The following TAFA2 variants were observed in gnomAD, a reference collection of about 807,000 sequenced individuals.
The protein encoded by TAFA2 is TAFA chemokine like family member 2.
A neutral mutation model predicts 18.8 loss-of-function variants in TAFA2; 7 were observed. That is an observed-to-expected ratio of 0.37 (90% CI 0.21 to 0.70). The LOEUF (loss-of-function observed/expected upper bound fraction) is 0.70. Ranked by LOEUF, TAFA2 falls within the 30% of genes least tolerant of loss-of-function variation. The pLI is 0.53. For missense variants in TAFA2, 122 were observed against 158.1 expected (o/e 0.77, Z 1.23); for synonymous variants, 60 against 54.2 (o/e 1.11, Z -0.47).
At chr12:61,807,718 G>A (rs1374842484) in intron 2 of TAFA2, among the ~76,000 whole-genome samples, 7 of 151,416 alleles carry the variant, frequency 4.6e-5, no homozygotes, top group Admixed American at 3.3e-4. Flanking sequence ...CTCTTGCATC[G>A]GCGTGACCTG....
intron 1 of TAFA2, among the ~76,000 whole-genome samples, chr12:62,098,781 A>C (rs1424001966): frequency 4.6e-5 from 7 of 152,214 alleles, no homozygotes; most frequent in Non-Finnish European, 8.8e-5. Context: ...CAGAGACTTA[A>C]AGATATTAAA....
intron 1 of TAFA2, among the ~76,000 whole-genome samples, chr12:61,930,565 G>T (rs1308571731): frequency 6.6e-6 from 1 of 152,170 alleles, no homozygotes; most frequent in East Asian, 1.9e-4. Context: ...CAAAAGCCAA[G>T]ATTCAAGCTG....
intron 1 of TAFA2, among the ~76,000 whole-genome samples, chr12:62,256,018 C>A (rs182421132): frequency 6.6e-6 from 1 of 152,188 alleles, no homozygotes; most frequent in African/African-American, 2.4e-5. Flanking sequence ...CCTTTAATCC[C>A]AGCACTTTGG....
intron 4 of TAFA2, among the ~76,000 whole-genome samples, chr12:61,714,628 T>C (rs1261405598): frequency 1.3e-5 from 2 of 152,218 alleles, no homozygotes; most frequent in African/African-American, 2.4e-5. Context: ...TATATGGTAT[T>C]AGTTAAATTT....
rs191689108 is a variant in TAFA2, at chr12:62,094,503, A to T, written c.-2+96756T>A. On this transcript the variant is annotated intron_variant, in intron 1 of 4. Transcript: ENST00000416284. ...TTTGAAATACAAATAAAAATTTTTA[A>T]AAAAAGAAATAATTTTAGAAAGAAA... is the stretch of plus-strand genomic sequence containing the variant. 2.0e-3 allele frequency among the ~76,000 whole-genome samples: 299 copies of T among 152,218 alleles called. 1 individual carries two copies. Among genetic ancestry groups the T allele is most frequent in the African/African-American group, 6.5e-3 (269 of 41,552 alleles).
intron 2 of TAFA2, among the ~76,000 whole-genome samples, chr12:61,864,458 G>A (rs1325593345): frequency 6.7e-6 from 1 of 150,064 alleles, no homozygotes. Flanking sequence ...TATGTAGTAA[G>A]ATATAAAAAG....
At chr12:61,856,911 A>T (rs1180179566) in intron 2 of TAFA2, among the ~76,000 whole-genome samples, 1 of 151,642 alleles carries the variant, frequency 6.6e-6, no homozygotes, top group Non-Finnish European at 1.5e-5. Context: ...TTTTCAAAGG[A>T]AATGTAAAGA....
chr12:61,943,257 A>G (rs1179894485), intron 1 of TAFA2, among the ~76,000 whole-genome samples: 1 of 144,080 alleles, frequency 6.9e-6, no homozygotes, highest in Non-Finnish European at 1.5e-5. Flanking sequence ...AAATGCTGAG[A>G]GATTTTGTCA....
chr12:61,768,024 C>T (rs1194207470), intron 2 of TAFA2, among the ~76,000 whole-genome samples: 5 of 151,986 alleles, frequency 3.3e-5, no homozygotes, highest in Non-Finnish European at 7.4e-5. Flanking sequence ...GTCAAGAAAC[C>T]TGTGCTTTCA....
intron 2 of TAFA2, among the ~76,000 whole-genome samples, chr12:61,798,422 T>C (rs1241982256): frequency 6.6e-6 from 1 of 152,142 alleles, no homozygotes; most frequent in African/African-American, 2.4e-5. Context: ...ACATAAAATT[T>C]ACCATTTTTA....
intron 1 of TAFA2, among the ~76,000 whole-genome samples, chr12:62,115,946 T>TA (rs1258629567): frequency 1.3e-5 from 2 of 152,008 alleles, no homozygotes; most frequent in African/African-American, 2.4e-5. Flanking sequence ...GCCTCCCAGA[T>TA]AAAGGACAGT....
At chr12:62,149,474 G>C (rs2062311635) in intron 1 of TAFA2, among the ~76,000 whole-genome samples, 1 of 151,210 alleles carries the variant, frequency 6.6e-6, no homozygotes, top group South Asian at 2.1e-4. Context: ...TATATATCAG[G>C]CTTCTAACTA....
chr12:61,758,267 G>A (rs1051437884), intron 2 of TAFA2, among the ~76,000 whole-genome samples: 3 of 151,954 alleles, frequency 2.0e-5, no homozygotes, highest in African/African-American at 7.2e-5. Context: ...AATGAAGCAA[G>A]AGCTGGAATG....
intron 1 of TAFA2, among the ~76,000 whole-genome samples, chr12:62,166,279 T>C (rs2136935696): frequency 6.6e-6 from 1 of 152,314 alleles, no homozygotes; most frequent in South Asian, 2.1e-4. Context: ...CTTTTGGCAA[T>C]TTGGTATAAC....
chr12:61,884,904 C>T (rs1036198132), intron 1 of TAFA2, among the ~76,000 whole-genome samples: 8 of 152,096 alleles, frequency 5.3e-5, no homozygotes, highest in African/African-American at 1.9e-4. Context: ...TGGAAGCCTG[C>T]CTTCTTTTAT....
intron 1 of TAFA2, among the ~76,000 whole-genome samples, chr12:62,103,747 G>GAAA (rs112510582): frequency 8.1e-6 from 1 of 124,010 alleles, no homozygotes; most frequent in Non-Finnish European, 1.7e-5. Flanking sequence ...TTCTCAAAAA[G>GAAA]AAAAAAAAAA....
intron 2 of TAFA2, among the ~76,000 whole-genome samples, chr12:61,798,845 T>C (rs1871291770): frequency 1.3e-5 from 2 of 152,230 alleles, no homozygotes; most frequent in Admixed American, 6.5e-5. Flanking sequence ...CATGAGATAC[T>C]AAAAATGTTC....
chr12:62,096,855 C>T (rs1046580587), intron 1 of TAFA2, among the ~76,000 whole-genome samples: 1 of 152,068 alleles, frequency 6.6e-6, no homozygotes, highest in African/African-American at 2.4e-5. Flanking sequence ...CTCTTAGGGG[C>T]TGTTGAGCAG....
At chr12:61,805,695 C>T (rs1257481391) in intron 2 of TAFA2, among the ~76,000 whole-genome samples, 2 of 152,132 alleles carry the variant, frequency 1.3e-5, no homozygotes, top group East Asian at 3.9e-4. Context: ...GAAACAGGAC[C>T]TATATTTAGT....
Sources: gnomAD v4.1 joint callset for allele counts (sites outside exome capture counted in the v4.1 genomes callset) on GRCh38, gnomAD v4.1.1 for gene constraint, MANE v1.5 for transcripts, NCBI Gene and HGNC (gene_info 2026-07-23, HGNC 2026-07-21) for gene names.